The following CNKSR3 variants were observed in gnomAD, a reference collection of about 807,000 sequenced individuals.
CNKSR3 encodes CNKSR family member 3.
Under a neutral mutation model 67.7 loss-of-function variants are expected in CNKSR3, and 36 were observed. That is an observed-to-expected ratio of 0.53 (90% CI 0.41 to 0.70). The LOEUF (loss-of-function observed/expected upper bound fraction) is 0.70, where lower values mean the gene tolerates loss of function less well. Among genes scored for constraint, CNKSR3 ranks in the 30% least tolerant of loss-of-function variants. The pLI, the probability that CNKSR3 is intolerant of heterozygous loss-of-function variation, is 0.00. For missense variants in CNKSR3, 630 were observed against 695.2 expected, an observed-to-expected ratio of 0.91 and a Z score of 1.05; for synonymous variants, 281 against 271.4, an observed-to-expected ratio of 1.04 and a Z score of -0.35.
intron 10 of CNKSR3, among the ~76,000 whole-genome samples, chr6:154,411,848 T>G (rs550715522): frequency 6.6e-6 from 1 of 152,148 alleles, no homozygotes; most frequent in East Asian, 1.9e-4. Context: ...AAAAAAGACT[T>G]GATATATTAT....
At chr6:154,412,551 T>C (rs1021133472) in intron 10 of CNKSR3, among the ~76,000 whole-genome samples, 2 of 152,174 alleles carry the variant, frequency 1.3e-5, no homozygotes, top group Non-Finnish European at 2.9e-5. Context: ...GCTCTCTATA[T>C]GCAGAGGGAA....
At chr6:154,448,596 G>A (rs1785758455) in intron 2 of CNKSR3, among the ~76,000 whole-genome samples, 1 of 152,130 alleles carries the variant, frequency 6.6e-6, no homozygotes, top group African/African-American at 2.4e-5. Context: ...CACAGAGGGA[G>A]TAGCATGTAG....
intron 1 of CNKSR3, among the ~76,000 whole-genome samples, chr6:154,484,695 C>CAAA (rs1166789172): frequency 0.094 from 6,117 of 65,364 alleles, 329 homozygotes; most frequent in African/African-American, 0.16. Context: ...GAGCAAGACT[C>CAAA]AAAAAAAAAA....
intron 1 of CNKSR3, among the ~76,000 whole-genome samples, chr6:154,480,664 A>C (rs1277299340): frequency 1.3e-5 from 2 of 152,212 alleles, no homozygotes; most frequent in East Asian, 3.8e-4. Context: ...CTATCAAAGA[A>C]GTGACACTAC....
intron 1 of CNKSR3, among the ~76,000 whole-genome samples, chr6:154,485,808 T>C (rs951989320): frequency 6.6e-6 from 1 of 152,226 alleles, no homozygotes; most frequent in Non-Finnish European, 1.5e-5. Context: ...TGGTTGCTTC[T>C]GTAAGATCTG....
rs1333383609 is a variant in CNKSR3 at position 154,398,253 on chromosome 6, G to A, written c.*8101C>T. On this transcript the variant is annotated 3_prime_UTR_variant, in exon 13 of 13. Coordinates refer to ENST00000607772, the MANE Select transcript of CNKSR3 (RefSeq NM_173515.4). The stretch of plus-strand genomic sequence containing the variant: ...TTCCAGAAACAACATTCAGGATGAC[G>A]GCATCAGTGTTAGCCAAGTGTCTGA... 6.6e-6 allele frequency: 1 copy of A among 152,186 alleles called. No individual in the cohort carries two copies. The highest frequency in any genetic ancestry group is 2.4e-5 in the African/African-American group (1 of 41,440). The allele number at this position is 152,186 out of a possible 1,614,324, so 9.4% of individuals were successfully genotyped here. A position where few individuals can be genotyped will look rare whatever the true frequency, so the allele number is the denominator to read the frequency against.
At position 154,407,962 on chromosome 6, in the gene CNKSR3, G is replaced by A. The variant is rs189225978; in HGVS notation, c.1370-1310C>T. On this transcript the variant is annotated intron_variant, in intron 12 of 12. Coordinates refer to ENST00000607772, the MANE Select transcript of CNKSR3 (RefSeq NM_173515.4). The stretch of plus-strand genomic sequence containing the variant: ...GAGCCATAAGATGGCATTCTAATAC[G>A]GCTATATTCTTTTCAAATATGGTGT... Among the ~76,000 whole-genome samples, 24 of 148,808 alleles carry A rather than the reference G, an allele frequency of 1.6e-4. No individual in the cohort carries two copies. In the Admixed American group the frequency reaches 1.6e-3, roughly 10 times the overall value.
Position 154,510,152 on chromosome 6 carries a change from C to G in CNKSR3, c.-38G>C. The G allele has an allele frequency of 6.2e-7, 1 of 1,612,998 alleles. No homozygotes were observed. The highest frequency in any genetic ancestry group is 1.7e-4 in the Middle Eastern group (1 of 6,054). On this transcript the variant is annotated 5_prime_UTR_variant, in exon 1 of 13. Coordinates refer to ENST00000607772, the MANE Select transcript of CNKSR3 (RefSeq NM_173515.4). The stretch of plus-strand genomic sequence containing the variant: ...CGCCTCTCGCTGGGCTGGAGAGTCG[C>G]AGATAAAGTGCTGCTGCCTGCGCTC...
chr6:154,494,216 T>G (rs1473352136), intron 1 of CNKSR3, among the ~76,000 whole-genome samples: 2 of 152,178 alleles, frequency 1.3e-5, no homozygotes, highest in East Asian at 3.9e-4. Context: ...AAACACATCC[T>G]TCTTCATATT....
intron 3 of CNKSR3, 149 bp downstream of exon 3, chr6:154,441,939 A>C: frequency 1.5e-6 from 1 of 654,332 alleles, no homozygotes. Context: ...GGAATCCTAA[A>C]ATCTACCACT....
rs1202402012 is a variant in CNKSR3, at chr6:154,483,482, G to C, written c.52+26581C>G. On this transcript the variant is annotated intron_variant, in intron 1 of 12. Coordinates refer to ENST00000607772, the MANE Select transcript of CNKSR3 (RefSeq NM_173515.4). ...TTAGTTTTCTAAATCACTTCACCTA[G>C]AAGTCCCCTACCCTCACCCCTCATC... Among the ~76,000 whole-genome samples the C allele has an allele frequency of 9.2e-5, 14 of 151,826 alleles. No homozygotes were observed. In the East Asian group the frequency reaches 2.7e-3, roughly 29 times the overall value.
At chr6:154,406,784 A>C in intron 12 of CNKSR3, 132 bp from the exon 13 acceptor site, 1 of 734,402 alleles carries the variant, frequency 1.4e-6, no homozygotes, top group Non-Finnish European at 2.2e-6. Context: ...CCTGGCCAAC[A>C]TGGTGAAACC....
chr6:154,415,364 G>A (rs1201337566), intron 9 of CNKSR3, among the ~76,000 whole-genome samples: 2 of 151,444 alleles, frequency 1.3e-5, no homozygotes, highest in African/African-American at 4.9e-5. Context: ...CCAAGTAGCT[G>A]GGATTACAGG....
In CNKSR3 at chr6:154,410,499, T is replaced by G. The variant is rs751600510; in HGVS notation, c.1280-67A>C. 6.7e-5 allele frequency: 72 copies of G among 1,075,552 alleles called. 1 individual carries two copies. The highest frequency in any genetic ancestry group is 2.2e-4 in the South Asian group (17 of 78,086). The allele number at this position is 1,075,552 out of a possible 1,614,324, so 66.6% of individuals were successfully genotyped here. On this transcript the variant is annotated intron_variant, in intron 11 of 12. Transcript: ENST00000607772. ...CTGGAACTTTAGTGAACCGTTCCCT[T>G]TATGTATAACTTAGACCTCACAATA...
Position 154,442,273 on chromosome 6 carries a change from A to G in CNKSR3, c.234T>C (p.Thr78=). 6.2e-7 allele frequency: 1 copy of G among 1,613,666 alleles called. No individual in the cohort carries two copies. The highest frequency in any genetic ancestry group is 8.5e-7 in the Non-Finnish European group (1 of 1,179,534). Reference sequence around the variant, plus strand: ...TCAGAACCAAGTTCTTCATGTTATCAGTTTCGAGGCCATAATTCTGTGGAA... The same window carrying G: ...TCAGAACCAAGTTCTTCATGTTATCGGTTTCGAGGCCATAATTCTGTGGAA... ...LLCALNYGLE[T]DNMKNLVLKL... Residue 78 remains threonine, a synonymous_variant, in exon 3 of 13, where the codon ACT becomes ACC. Transcript: ENST00000607772.
At chr6:154,455,729 A>T (rs1388807288) in intron 1 of CNKSR3, among the ~76,000 whole-genome samples, 1 of 152,122 alleles carries the variant, frequency 6.6e-6, no homozygotes, top group Admixed American at 6.6e-5. Flanking sequence ...GCCTGCTTTT[A>T]TTTTCTTATA....
chr6:154,447,170 C>T (rs760263576), intron 2 of CNKSR3, among the ~76,000 whole-genome samples: 9 of 152,166 alleles, frequency 5.9e-5, no homozygotes, highest in Non-Finnish European at 1.3e-4. Flanking sequence ...TTCTCAATCA[C>T]ACCCTCTCGA....
intron 5 of CNKSR3, among the ~76,000 whole-genome samples, chr6:154,431,242 A>C (rs1378320756): frequency 6.6e-6 from 1 of 151,878 alleles, no homozygotes; most frequent in Non-Finnish European, 1.5e-5. Context: ...TCAGGAGTTC[A>C]AGACCAGCCT....
intron 10 of CNKSR3, among the ~76,000 whole-genome samples, chr6:154,413,196 T>C (rs1784944943): frequency 6.6e-6 from 1 of 151,140 alleles, no homozygotes; most frequent in African/African-American, 2.4e-5. Flanking sequence ...TGTTCATACC[T>C]ACACTCACAA....
Sources: gnomAD v4.1 joint callset for allele counts (sites outside exome capture counted in the v4.1 genomes callset) on GRCh38, gnomAD v4.1.1 for gene constraint, MANE v1.5 for transcripts, NCBI Gene and HGNC (gene_info 2026-07-23, HGNC 2026-07-21) for gene names.